The following TMEM253 variants were observed in gnomAD, a reference collection of about 807,000 sequenced individuals.
The protein encoded by TMEM253 is transmembrane protein C14orf176.
In TMEM253, 22 loss-of-function variants were observed where a neutral mutation model predicts 20.3. The observed-to-expected ratio is 1.08, with a 90% CI of 0.78 to 1.55. The LOEUF (loss-of-function observed/expected upper bound fraction) is 1.55. Among genes scored for constraint, TMEM253 ranks in the 40% most tolerant of loss-of-function variants. The pLI, the probability that TMEM253 is intolerant of heterozygous loss-of-function variation, is 0.00. For synonymous variants in TMEM253, 92 were observed against 102.6 expected (o/e 0.90, Z 0.62); for missense variants, 251 against 266.1 (o/e 0.94, Z 0.39).
intron 2 of TMEM253, 60 bp downstream of exon 2, chr14:21,101,511 C>A: frequency 7.6e-7 from 1 of 1,323,556 alleles, no homozygotes; most frequent in Non-Finnish European, 1.0e-6. Context: ...AATTCAATTC[C>A]ATCCATCCAT....
exon 7 of TMEM253, chr14:21,103,375 C>G (rs1335253728): frequency 2.1e-6 from 3 of 1,437,074 alleles, no homozygotes; most frequent in Non-Finnish European, 2.7e-6. Context: ...AAAGCAGGCC[C>G]TTTTTTCGTT....
intron 2 of TMEM253, 134 bp downstream of exon 2, chr14:21,101,585 G>A: frequency 1.2e-6 from 1 of 826,674 alleles, no homozygotes. Context: ...AATGGGAGGA[G>A]GGTAGAGGAA....
upstream of TMEM253, among the ~76,000 whole-genome samples, chr14:21,100,797 G>A (rs1889585114): frequency 6.6e-6 from 1 of 152,128 alleles, no homozygotes. Flanking sequence ...CTCTAGGGAA[G>A]GGCACATAAT....
intron 5 of TMEM253, 34 bp downstream of exon 5, chr14:21,102,549 A>T: frequency 6.4e-7 from 1 of 1,551,660 alleles, no homozygotes; most frequent in East Asian, 2.4e-5. Flanking sequence ...TGGGAGGATA[A>T]GGAGGCAAGA....
chr14:21,102,636 G>A (rs1241410867), exon 6 of TMEM253: 1 of 1,551,296 alleles, frequency 6.4e-7, no homozygotes, highest in East Asian at 2.4e-5. Flanking sequence ...CCTGCAGCAT[G>A]CTGGCTTGCT....
chr14:21,101,544 T>TC, intron 2 of TMEM253, 93 bp downstream of exon 2: 2 of 1,190,588 alleles, frequency 1.7e-6, no homozygotes, highest in Non-Finnish European at 2.4e-6. Flanking sequence ...AGTGAGCACC[T>TC]ACCATGTGCC....
exon 7 of TMEM253, chr14:21,103,466 A>T: frequency 1.4e-6 from 1 of 707,618 alleles, no homozygotes; most frequent in Non-Finnish European, 2.2e-6. Flanking sequence ...TCTCCCTTGC[A>T]TCCATATCCT....
exon 7 of TMEM253, chr14:21,103,383 G>C: frequency 2.8e-6 from 4 of 1,420,532 alleles, no homozygotes; most frequent in South Asian, 3.0e-5. Context: ...CCCTTTTTTC[G>C]TTCCTTCCCT....
At position 21,102,395 on chromosome 14, in the gene TMEM253, T is replaced by C. The variant is rs925314857; in HGVS notation, c.277-10T>C. 1 of 1,551,652 alleles carries C rather than the reference T, an allele frequency of 6.4e-7. No individual in the cohort carries two copies. Among genetic ancestry groups the C allele is most frequent in the Non-Finnish European group, 8.7e-7 (1 of 1,146,946 alleles). ...CTAGGCTGGGCAGGGCTGAGCTGGC[T>C]CACTGGCAGGTGCGGGCCATGATGA... On this transcript the variant is annotated splice_polypyrimidine_tract_variant and intron_variant, in intron 4 of 6. Transcript: ENST00000556585.
chr14:21,102,365 C>T, intron 4 of TMEM253, 40 bp from the exon 5 acceptor site: 3 of 1,546,536 alleles, frequency 1.9e-6, no homozygotes, highest in Non-Finnish European at 2.6e-6. Context: ...GTTGGAATGA[C>T]TCCCCTAGGC....
intron 4 of TMEM253, 106 bp downstream of exon 4, chr14:21,102,226 T>TGTCA: frequency 7.0e-7 from 1 of 1,426,016 alleles, no homozygotes; most frequent in Non-Finnish European, 9.5e-7. Context: ...TTCTCTCAGC[T>TGTCA]GTCACCACTG....
At chr14:21,103,036 G>A (rs1330262099) in intron 6 of TMEM253, 103 bp from the exon 7 acceptor site, 1 of 1,530,218 alleles carries the variant, frequency 6.5e-7, no homozygotes, top group Non-Finnish European at 8.8e-7. Flanking sequence ...GCAGGACTAT[G>A]GGAAACAGGA....
At chr14:21,102,228 T>A in intron 4 of TMEM253, 108 bp downstream of exon 4, 2 of 1,427,974 alleles carry the variant, frequency 1.4e-6, no homozygotes, top group Non-Finnish European at 1.9e-6. Flanking sequence ...CTCTCAGCTG[T>A]CACCACTGAC....
rs1176248362 is a variant in TMEM253, at chr14:21,103,123, T to A, written c.535-16T>A. The A allele has an allele frequency of 6.4e-7, 1 of 1,551,710 alleles. No homozygotes were observed. The highest frequency in any genetic ancestry group is 2.0e-5 in the Admixed American group (1 of 51,008). ...CTCACCTCTACAATTTGCTCACACC[T>A]GTCTCTGGTTTTCAGGGCTTCTCTG... On this transcript the variant is annotated splice_polypyrimidine_tract_variant and intron_variant, in intron 6 of 6. Transcript: ENST00000556585.
intron 3 of TMEM253, 26 bp downstream of exon 3, chr14:21,102,001 G>A: frequency 6.4e-7 from 1 of 1,550,840 alleles, no homozygotes; most frequent in Non-Finnish European, 8.7e-7. Context: ...AGGGAGGGTG[G>A]AAGGTCCCAG....
At chr14:21,102,367 C>A in intron 4 of TMEM253, 38 bp from the exon 5 acceptor site, 1 of 1,548,910 alleles carries the variant, frequency 6.5e-7, no homozygotes, top group Non-Finnish European at 8.7e-7. Flanking sequence ...TGGAATGACT[C>A]CCCTAGGCTG....
upstream of TMEM253, among the ~76,000 whole-genome samples, chr14:21,100,145 T>A (rs1889541000): frequency 6.6e-6 from 1 of 152,122 alleles, no homozygotes; most frequent in African/African-American, 2.4e-5. Context: ...GGAGGATGGC[T>A]TGAGCCCAGG....
upstream of TMEM253, chr14:21,099,068 T>C (rs1470958074): frequency 6.9e-6 from 2 of 291,730 alleles, no homozygotes; most frequent in Non-Finnish European, 6.8e-6. Flanking sequence ...TCAAGTCACT[T>C]TAATGGCTCT....
chr14:21,101,486 T>C, intron 2 of TMEM253, 35 bp downstream of exon 2: 1 of 1,523,462 alleles, frequency 6.6e-7, no homozygotes, highest in South Asian at 1.2e-5. Context: ...GGTCTCAGCA[T>C]GTCCACTTCT....
Sources: allele counts gnomAD v4.1 joint callset (sites outside exome capture counted in the v4.1 genomes callset), GRCh38; gene constraint gnomAD v4.1.1; transcripts MANE v1.5; gene names NCBI Gene and HGNC (gene_info 2026-07-23, HGNC 2026-07-21).